Variants in GALNT11 observed in about 807,000 individuals in gnomAD.
GALNT11 encodes the protein UDP-GalNAc:polypeptide N-acetylgalactosaminyltransferase 11.
In GALNT11, 47 loss-of-function variants were observed where a neutral mutation model predicts 72.7. That is an observed-to-expected ratio of 0.65 (90% CI 0.51 to 0.82). GALNT11 has a LOEUF of 0.82. Among genes scored for constraint, GALNT11 ranks in the 40% least tolerant of loss-of-function variants. The pLI is 0.00. For synonymous variants in GALNT11, 270 were observed against 286.6 expected (o/e 0.94, Z 0.58); for missense variants, 677 against 778.4 (o/e 0.87, Z 1.55).
At chr7:152,044,357 C>G (rs1563044293) in intron 1 of GALNT11, among the ~76,000 whole-genome samples, 2 of 152,138 alleles carry the variant, frequency 1.3e-5, no homozygotes, top group African/African-American at 4.8e-5. Flanking sequence ...TTAAGAACAC[C>G]TTAAGGGGTT....
intron 1 of GALNT11, among the ~76,000 whole-genome samples, chr7:152,068,805 ATT>A: frequency 6.6e-6 from 1 of 151,562 alleles, no homozygotes; most frequent in South Asian, 2.1e-4. Flanking sequence ...TTCTATTTTA[ATT>A]TTTATTGTAT....
chr7:152,073,091 T>C (rs1014012882), intron 1 of GALNT11, among the ~76,000 whole-genome samples: 3 of 152,216 alleles, frequency 2.0e-5, no homozygotes, highest in African/African-American at 7.2e-5. Context: ...AACGTATCAG[T>C]GATCAGATCA....
intron 2 of GALNT11, among the ~76,000 whole-genome samples, chr7:152,097,383 A>G (rs942115238): frequency 6.6e-6 from 1 of 152,224 alleles, no homozygotes; most frequent in African/African-American, 2.4e-5. Context: ...GAGAAACTGG[A>G]GCCCTCACAT....
chr7:152,036,642 T>G (rs1371881348), intron 1 of GALNT11, among the ~76,000 whole-genome samples: 1 of 152,212 alleles, frequency 6.6e-6, no homozygotes, highest in Admixed American at 6.5e-5. Flanking sequence ...AGCTCTATTT[T>G]TAGTTTTTGG....
Position 152,107,882 on chromosome 7 carries a change from C to T in GALNT11, c.713-156C>T, listed in dbSNP as rs2087756261. 1.4e-5 allele frequency: 11 copies of T among 762,898 alleles called. No homozygotes were observed. In the South Asian group the frequency reaches 1.4e-4, roughly 10 times the overall value. The allele number at this position is 762,898 out of a possible 1,614,324, so 47.3% of individuals were successfully genotyped here. A position where few individuals can be genotyped will look rare whatever the true frequency, so the allele number is the denominator to read the frequency against. ...GCTGAGGGACGTCCTTGTTGACCAC[C>T]GGCAGTGAAGTGTAGTGGAGCAGTT... On this transcript the variant is annotated intron_variant, in intron 5 of 11. Transcript: ENST00000430044.
At chr7:152,048,542 T>C (rs1449080879) in intron 1 of GALNT11, among the ~76,000 whole-genome samples, 1 of 151,892 alleles carries the variant, frequency 6.6e-6, no homozygotes, top group Non-Finnish European at 1.5e-5. Context: ...TTTTCTTTTT[T>C]TTTTTGAGAC....
intron 11 of GALNT11, 100 bp downstream of exon 11, chr7:152,121,068 T>C (rs2089380983): frequency 7.0e-7 from 1 of 1,427,482 alleles, no homozygotes; most frequent in Non-Finnish European, 9.4e-7. Flanking sequence ...GGGGGTGGTC[T>C]TCTCAGTCTG....
In GALNT11 at chr7:152,081,244, T is replaced by C. The variant is rs111901302; in HGVS notation, c.-38-12946T>C. ...AGGCATTGTCTTAGTGACCTTTATG[T>C]AATTTAACTACTTCATGGAGCACAG... On this transcript the variant is annotated intron_variant, in intron 1 of 11. Transcript: ENST00000430044. Among the ~76,000 whole-genome samples, 745 of 152,334 alleles carry C rather than the reference T, an allele frequency of 4.9e-3. 8 individuals are homozygous for C. The highest frequency in any genetic ancestry group is 0.017 in the African/African-American group (711 of 41,578).
chr7:152,078,871 G>A (rs2085143653), intron 1 of GALNT11, among the ~76,000 whole-genome samples: 2 of 152,214 alleles, frequency 1.3e-5, no homozygotes, highest in Non-Finnish European at 2.9e-5. Context: ...TAAAAGGCAA[G>A]CTTTCCAGAC....
intron 1 of GALNT11, among the ~76,000 whole-genome samples, chr7:152,033,111 A>T (rs1404230557): frequency 6.6e-6 from 1 of 152,176 alleles, no homozygotes; most frequent in Non-Finnish European, 1.5e-5. Flanking sequence ...AGGCACCCTC[A>T]AGTCCTGTTG....
At position 152,070,231 on chromosome 7, in the gene GALNT11, C is replaced by T. The variant is rs141112893; in HGVS notation, c.-38-23959C>T. ...CAGGATGGTCTCGATCTCCTGACCTCATGATCCGCTTGCTTTGTCCTCCCA... is the reference window on the plus strand; with the variant it reads ...CAGGATGGTCTCGATCTCCTGACCTTATGATCCGCTTGCTTTGTCCTCCCA... On this transcript the variant is annotated intron_variant, in intron 1 of 11. Coordinates refer to ENST00000430044, the MANE Select transcript of GALNT11 (RefSeq NM_022087.4). 7.1e-4 allele frequency among the ~76,000 whole-genome samples: 108 copies of T among 152,248 alleles called. 1 individual carries two copies. The highest frequency in any genetic ancestry group is 2.5e-3 in the African/African-American group (105 of 41,556).
chr7:152,104,972 G>T, intron 4 of GALNT11: 1 of 212,640 alleles, frequency 4.7e-6, no homozygotes, highest in Non-Finnish European at 9.2e-6. Context: ...AACATTCTTT[G>T]TGCAAAGCAT....
At chr7:152,076,441 A>G (rs1210288622) in intron 1 of GALNT11, among the ~76,000 whole-genome samples, 1 of 151,626 alleles carries the variant, frequency 6.6e-6, no homozygotes, top group African/African-American at 2.4e-5. Context: ...AAGACAGCCA[A>G]TAAAGGGCAT....
chr7:152,107,025 C>T (rs1273283880), intron 5 of GALNT11, among the ~76,000 whole-genome samples: 1 of 152,178 alleles, frequency 6.6e-6, no homozygotes, highest in Non-Finnish European at 1.5e-5. Flanking sequence ...AGACACTGAG[C>T]TGTGGGACTG....
chr7:152,084,128 T>G (rs2085482246), intron 1 of GALNT11, among the ~76,000 whole-genome samples: 1 of 152,144 alleles, frequency 6.6e-6, no homozygotes, highest in South Asian at 2.1e-4. Flanking sequence ...AGTTTGTTTT[T>G]GTTGTTGTTT....
intron 1 of GALNT11, among the ~76,000 whole-genome samples, chr7:152,044,430 A>G (rs1010676229): frequency 6.6e-6 from 1 of 152,204 alleles, no homozygotes; most frequent in Non-Finnish European, 1.5e-5. Context: ...GCCTTCCAGC[A>G]TTGCATCAAG....
intron 4 of GALNT11, chr7:152,104,996 A>G (rs1348412580): frequency 6.8e-6 from 2 of 292,852 alleles, no homozygotes; most frequent in Non-Finnish European, 1.3e-5. Context: ...GCTCGATGCT[A>G]TGGAGATACA....
rs765645638 is a variant in GALNT11, at chr7:152,117,308, CCAAACCCCAACAACCCATTTTTGT to C, written c.1389_1412del (p.Lys463_Val470del). On this transcript the variant is annotated inframe_deletion, in exon 9 of 12. Transcript: ENST00000430044. Reference sequence around the variant, plus strand: ...GAGATGCAGATATCTGGGTCCCACGCCAAACCCCAACAACCCATTTTTGTCAATAGAGGGCCAAAACGACCCAAA... The same window carrying C: ...GAGATGCAGATATCTGGGTCCCACGCCAATAGAGGGCCAAAACGACCCAAA... The C allele has an allele frequency of 6.2e-7, 1 of 1,613,962 alleles. No individual in the cohort carries two copies. Among genetic ancestry groups the C allele is most frequent in the African/African-American group, 1.3e-5 (1 of 74,868 alleles).
At chr7:152,091,363 C>T (rs1587291472) in intron 1 of GALNT11, among the ~76,000 whole-genome samples, 1 of 152,078 alleles carries the variant, frequency 6.6e-6, no homozygotes, top group Non-Finnish European at 1.5e-5. Context: ...GCCTCAGCCT[C>T]CCGAGTAGCT....
Sources: allele counts gnomAD v4.1 joint callset (sites outside exome capture counted in the v4.1 genomes callset), GRCh38; gene constraint gnomAD v4.1.1; transcripts MANE v1.5; gene names NCBI Gene and HGNC (gene_info 2026-07-23, HGNC 2026-07-21).